Variants in PALM2AKAP2 observed in about 807,000 individuals in gnomAD.
PALM2AKAP2 encodes PALM2-AKAP2 fusion protein.
Under a neutral mutation model 71.5 loss-of-function variants are expected in PALM2AKAP2, and 37 were observed. The observed-to-expected ratio is 0.52, with a 90% CI of 0.40 to 0.68. The LOEUF (loss-of-function observed/expected upper bound fraction) is 0.68, where lower values mean the gene tolerates loss of function less well. PALM2AKAP2 is among the 30% of genes least tolerant of loss of function. PALM2AKAP2 has a pLI of 0.00. For synonymous variants in PALM2AKAP2, 468 were observed against 478.8 expected, an observed-to-expected ratio of 0.98 and a Z score of 0.29; for missense variants, 1,224 against 1,191.8, an observed-to-expected ratio of 1.03 and a Z score of -0.40.
chr9:109,984,644 G>A (rs1209999962), intron 6 of PALM2AKAP2, among the ~76,000 whole-genome samples: 2 of 151,900 alleles, frequency 1.3e-5, no homozygotes, highest in Non-Finnish European at 2.9e-5. Context: ...ATTGCTTGAG[G>A]CTAGGAGTTT....
At chr9:109,722,430 G>A (rs1828419006) in intron 1 of PALM2AKAP2, among the ~76,000 whole-genome samples, 1 of 152,154 alleles carries the variant, frequency 6.6e-6, no homozygotes, top group South Asian at 2.1e-4. Flanking sequence ...ACTATAATAT[G>A]CTATGGGGAC....
At chr9:109,980,255 A>C (rs1832246569) in intron 6 of PALM2AKAP2, among the ~76,000 whole-genome samples, 1 of 152,114 alleles carries the variant, frequency 6.6e-6, no homozygotes. Context: ...AAAGTCATCT[A>C]ATCACCCTGA....
intron 2 of PALM2AKAP2, among the ~76,000 whole-genome samples, chr9:110,154,355 G>T (rs946287408): frequency 6.6e-6 from 1 of 152,160 alleles, no homozygotes; most frequent in South Asian, 2.1e-4. Flanking sequence ...GAGCTTACAC[G>T]CTCACCACTG....
intron 1 of PALM2AKAP2, among the ~76,000 whole-genome samples, chr9:110,130,210 T>C (rs1190086050): frequency 6.6e-6 from 1 of 152,258 alleles, no homozygotes; most frequent in Non-Finnish European, 1.5e-5. Flanking sequence ...TACTTTTAAG[T>C]ACATTTTCTA....
intron 1 of PALM2AKAP2, among the ~76,000 whole-genome samples, chr9:109,794,196 G>A (rs546330080): frequency 2.6e-5 from 4 of 152,234 alleles, no homozygotes; most frequent in Middle Eastern, 3.4e-3. Context: ...GAGTTTTGCC[G>A]CTGTGGAATT....
In PALM2AKAP2 at chr9:110,038,562, G is replaced by GA. The variant is rs573739896; in HGVS notation, c.582+22530dup. Among the ~76,000 whole-genome samples, 571 of 152,034 alleles carry GA rather than the reference G, an allele frequency of 3.8e-3. 4 individuals carry two copies. The highest frequency in any genetic ancestry group is 0.011 in the African/African-American group (460 of 41,456). ...TGACTTTGACAAGTGCTGTCTTGGT[G>GA]AAAAAAACATCTCTTTTAAGAACTT... On this transcript the variant is annotated intron_variant, in intron 7 of 9. Coordinates refer to the PALM2AKAP2 transcript ENST00000302798.
At chr9:109,756,370 C>G (rs1279882426) in intron 1 of PALM2AKAP2, among the ~76,000 whole-genome samples, 2 of 152,218 alleles carry the variant, frequency 1.3e-5, no homozygotes, top group South Asian at 4.1e-4. Context: ...TACTATTAAT[C>G]TTCATCTTTT....
intron 3 of PALM2AKAP2, among the ~76,000 whole-genome samples, chr9:110,163,962 C>T (rs994756366): frequency 3.3e-5 from 5 of 152,108 alleles, no homozygotes; most frequent in Non-Finnish European, 7.4e-5. Flanking sequence ...AATTATTTTT[C>T]AAGTTGGTTG....
chr9:110,004,402 G>C (rs1042430639), intron 6 of PALM2AKAP2, among the ~76,000 whole-genome samples: 1 of 152,226 alleles, frequency 6.6e-6, no homozygotes, highest in African/African-American at 2.4e-5. Context: ...GAGATCAACT[G>C]TTAGTCTGCT....
upstream of PALM2AKAP2, among the ~76,000 whole-genome samples, chr9:109,779,661 C>T (rs1454496704): frequency 1.3e-5 from 2 of 152,238 alleles, no homozygotes; most frequent in African/African-American, 4.8e-5. Context: ...CATATCGCCT[C>T]ACCAGAAGGG....
At chr9:109,713,807 A>G (rs1339506342) in intron 1 of PALM2AKAP2, among the ~76,000 whole-genome samples, 1 of 152,184 alleles carries the variant, frequency 6.6e-6, no homozygotes, top group Non-Finnish European at 1.5e-5. Flanking sequence ...CAGTGAAACT[A>G]CTCTGTATGA....
intron 1 of PALM2AKAP2, among the ~76,000 whole-genome samples, chr9:109,708,101 A>C (rs917663539): frequency 2.6e-5 from 4 of 152,178 alleles, no homozygotes; most frequent in Non-Finnish European, 4.4e-5. Flanking sequence ...CGCTGTGGGC[A>C]TCATTGTCAT....
chr9:110,147,985 A>C (rs1587860811), intron 2 of PALM2AKAP2, among the ~76,000 whole-genome samples: 1 of 152,308 alleles, frequency 6.6e-6, no homozygotes, highest in Admixed American at 6.5e-5. Flanking sequence ...CTATGATTCG[A>C]AAAACTAAAG....
At chr9:110,100,758 A>G (rs1162596814) in intron 1 of PALM2AKAP2, among the ~76,000 whole-genome samples, 1 of 152,180 alleles carries the variant, frequency 6.6e-6, no homozygotes, top group Non-Finnish European at 1.5e-5. Context: ...GATAACTACT[A>G]CAATTCCTGG....
chr9:109,898,924 C>T (rs904314563), intron 3 of PALM2AKAP2, among the ~76,000 whole-genome samples: 3 of 152,202 alleles, frequency 2.0e-5, no homozygotes, highest in African/African-American at 7.2e-5. Flanking sequence ...CTTCTTGAAA[C>T]ACACTCTCTC....
intron 1 of PALM2AKAP2, among the ~76,000 whole-genome samples, chr9:109,751,336 CACAG>C (rs941480160): frequency 5.3e-5 from 8 of 152,158 alleles, no homozygotes; most frequent in African/African-American, 1.9e-4. Flanking sequence ...ATGCCTGCTC[CACAG>C]ACAGCCCCCG....
intron 1 of PALM2AKAP2, among the ~76,000 whole-genome samples, chr9:109,762,498 A>G (rs1829071093): frequency 6.6e-6 from 1 of 152,124 alleles, no homozygotes; most frequent in Non-Finnish European, 1.5e-5. Context: ...AAATTAATTG[A>G]TCGATTATCC....
At chr9:110,161,987 A>C in intron 3 of PALM2AKAP2, 107 bp from the exon 10 acceptor site, 1 of 1,444,438 alleles carries the variant, frequency 6.9e-7, no homozygotes, top group Non-Finnish European at 9.7e-7. Flanking sequence ...TCCTGGTATT[A>C]CTTCCCCTCC....
chr9:109,834,686 G>C (rs1828406860), intron 1 of PALM2AKAP2, among the ~76,000 whole-genome samples: 1 of 152,186 alleles, frequency 6.6e-6, no homozygotes, highest in Non-Finnish European at 1.5e-5. Context: ...TGTTTGCTAA[G>C]TGTTACCACA....
Sources: gnomAD v4.1 joint callset for allele counts (sites outside exome capture counted in the v4.1 genomes callset) on GRCh38, gnomAD v4.1.1 for gene constraint, MANE v1.5 for transcripts, NCBI Gene and HGNC (gene_info 2026-07-23, HGNC 2026-07-21) for gene names.